CDK14: variants seen among roughly 807,000 people sequenced by gnomAD.
The protein encoded by CDK14 is cyclin-dependent kinase 14.
In CDK14, 34 loss-of-function variants were observed where a neutral mutation model predicts 60.7. The ratio of observed to expected loss-of-function variants is 0.56; its 90% CI spans 0.43 to 0.75. CDK14 has a LOEUF of 0.75. Ranked by LOEUF, CDK14 falls within the 30% of genes least tolerant of loss-of-function variation. The pLI is 0.00. For synonymous variants in CDK14, 197 were observed against 203.7 expected, an observed-to-expected ratio of 0.97 and a Z score of 0.28; for missense variants, 482 against 564.1, an observed-to-expected ratio of 0.85 and a Z score of 1.47.
intron 5 of CDK14, among the ~76,000 whole-genome samples, chr7:90,811,452 A>T (rs1789108830): frequency 6.6e-6 from 1 of 152,222 alleles, no homozygotes; most frequent in African/African-American, 2.4e-5. Flanking sequence ...CTTACACCTT[A>T]TACAAAAAAT....
intron 11 of CDK14, among the ~76,000 whole-genome samples, chr7:91,065,160 C>T (rs1797939206): frequency 6.6e-6 from 1 of 152,122 alleles, no homozygotes; most frequent in African/African-American, 2.4e-5. Context: ...GGATGATTTC[C>T]TATAGCCAGG....
chr7:90,676,864 A>G (rs1011101308), intron 2 of CDK14, among the ~76,000 whole-genome samples: 2 of 152,066 alleles, frequency 1.3e-5, no homozygotes, highest in African/African-American at 4.8e-5. Flanking sequence ...GGCTCTTCAG[A>G]GAAGAAAGAG....
At chr7:90,646,198 C>G (rs753102467) in intron 2 of CDK14, among the ~76,000 whole-genome samples, 5 of 152,022 alleles carry the variant, frequency 3.3e-5, no homozygotes, top group Non-Finnish European at 7.3e-5. Flanking sequence ...GGATGTTCAT[C>G]TTATGGAAGC....
chr7:91,115,450 A>G (rs1799578829), intron 13 of CDK14, among the ~76,000 whole-genome samples: 1 of 152,002 alleles, frequency 6.6e-6, no homozygotes, highest in Non-Finnish European at 1.5e-5. Context: ...ATCTAACCCT[A>G]ATTACCCTCC....
At chr7:91,062,657 C>T (rs1427909394) in intron 11 of CDK14, among the ~76,000 whole-genome samples, 4 of 152,174 alleles carry the variant, frequency 2.6e-5, no homozygotes, top group African/African-American at 9.7e-5. Context: ...GTATCAAATG[C>T]TTTCATGGAT....
At chr7:90,915,508 C>A (rs1010917107) in intron 7 of CDK14, among the ~76,000 whole-genome samples, 1 of 152,152 alleles carries the variant, frequency 6.6e-6, no homozygotes, top group East Asian at 1.9e-4. Context: ...CCTGCACCCC[C>A]CAAAAAATAA....
intron 12 of CDK14, among the ~76,000 whole-genome samples, chr7:91,095,997 T>A (rs1207299635): frequency 7.2e-6 from 1 of 139,598 alleles, no homozygotes; most frequent in African/African-American, 2.7e-5. Flanking sequence ...TTAATGCCAC[T>A]GAATTGTACA....
At chr7:91,179,413 G>A (rs901192277) in intron 14 of CDK14, among the ~76,000 whole-genome samples, 2 of 150,330 alleles carry the variant, frequency 1.3e-5, no homozygotes, top group African/African-American at 4.9e-5. Flanking sequence ...TAGATGACGA[G>A]TTAGTGGGTG....
chr7:90,663,755 G>T (rs946297443), intron 2 of CDK14, among the ~76,000 whole-genome samples: 7 of 152,058 alleles, frequency 4.6e-5, no homozygotes. Context: ...CTTTACTTTG[G>T]AAAATAGGAA....
chr7:91,155,437 C>T (rs1235909772), intron 14 of CDK14, among the ~76,000 whole-genome samples: 1 of 152,150 alleles, frequency 6.6e-6, no homozygotes, highest in Admixed American at 6.6e-5. Flanking sequence ...TTCCTAGCTT[C>T]TCAAAACTTT....
chr7:90,643,602 C>T (rs960445098), intron 2 of CDK14, among the ~76,000 whole-genome samples: 1 of 152,132 alleles, frequency 6.6e-6, no homozygotes, highest in African/African-American at 2.4e-5. Context: ...ATGTGGGGCC[C>T]TTATTTCTCA....
intron 11 of CDK14, among the ~76,000 whole-genome samples, chr7:91,071,914 T>C (rs565494711): frequency 1.3e-5 from 2 of 152,264 alleles, no homozygotes; most frequent in South Asian, 4.1e-4. Context: ...CCAGAGTACC[T>C]CTTCAGACCT....
intron 13 of CDK14, among the ~76,000 whole-genome samples, chr7:91,114,754 T>A (rs905879089): frequency 5.3e-5 from 8 of 152,120 alleles, no homozygotes; most frequent in African/African-American, 1.9e-4. Context: ...AGATAATCAT[T>A]ATGAGGCATA....
chr7:90,985,055 G>A lies in CDK14; in HGVS notation c.1041+814G>A, dbSNP rs545152664. 4.9e-4 allele frequency among the ~76,000 whole-genome samples: 75 copies of A among 152,304 alleles called. 1 individual carries two copies. The highest frequency in any genetic ancestry group is 1.8e-3 in the African/African-American group (73 of 41,562). The stretch of plus-strand genomic sequence containing the variant: ...ATATACCAATGTGAATTTCTTAGCT[G>A]TGTCAGTTGTACCATATTATGTAAG... On this transcript the variant is annotated intron_variant, in intron 10 of 14. Transcript: ENST00000380050.
chr7:90,841,102 T>C (rs1221011687), intron 5 of CDK14, among the ~76,000 whole-genome samples: 1 of 152,192 alleles, frequency 6.6e-6, no homozygotes, highest in East Asian at 1.9e-4. Context: ...TAGAAATTGT[T>C]AAACATTTTT....
Position 91,106,835 on chromosome 7 carries a change from G to A in CDK14, c.1155-5707G>A, listed in dbSNP as rs1400836131. Among the ~76,000 whole-genome samples, 4 of 152,202 alleles carry A rather than the reference G, an allele frequency of 2.6e-5. No individual in the cohort carries two copies. The East Asian group carries it at 7.7e-4, about 29-fold the overall frequency. ...CCAAGAGAGGTCACTGCTAGCTGCA[G>A]GTTGGGCAGTTCTGTAGTGTTCTTG... is the stretch of plus-strand genomic sequence containing the variant. On this transcript the variant is annotated intron_variant, in intron 12 of 14. Coordinates refer to ENST00000380050, the MANE Select transcript of CDK14 (RefSeq NM_001287135.2).
intron 5 of CDK14, among the ~76,000 whole-genome samples, chr7:90,810,701 G>A (rs1789060085): frequency 6.6e-6 from 1 of 152,020 alleles, no homozygotes; most frequent in Non-Finnish European, 1.5e-5. Flanking sequence ...TGACATGATT[G>A]TATATCTAGA....
At chr7:91,009,396 G>A (rs1796086781) in intron 10 of CDK14, among the ~76,000 whole-genome samples, 1 of 152,130 alleles carries the variant, frequency 6.6e-6, no homozygotes, top group Non-Finnish European at 1.5e-5. Context: ...CGTAAGAGTG[G>A]AAAGCTCAAT....
At chr7:90,888,856 C>T (rs551521707) in intron 6 of CDK14, among the ~76,000 whole-genome samples, 12 of 152,280 alleles carry the variant, frequency 7.9e-5, no homozygotes, top group African/African-American at 1.9e-4. Context: ...ATAGCATGAA[C>T]GTCCTTTTCA....
Sources: allele counts gnomAD v4.1 joint callset (sites outside exome capture counted in the v4.1 genomes callset), GRCh38; gene constraint gnomAD v4.1.1; transcripts MANE v1.5; gene names NCBI Gene and HGNC (gene_info 2026-07-23, HGNC 2026-07-21).